Variants in FLI1 observed in about 807,000 individuals in gnomAD.
FLI1 encodes the protein Fli-1 proto-oncogene, ETS transcription factor.
A neutral mutation model predicts 53.1 loss-of-function variants in FLI1; 13 were observed. The ratio of observed to expected loss-of-function variants is 0.24; its 90% CI spans 0.16 to 0.39. The LOEUF (loss-of-function observed/expected upper bound fraction) is 0.39. Among genes scored for constraint, FLI1 ranks in the 10% least tolerant of loss-of-function variants. The pLI, the probability that FLI1 is intolerant of heterozygous loss-of-function variation, is 1.00. For synonymous variants in FLI1, 244 were observed against 236.7 expected, an observed-to-expected ratio of 1.03 and a Z score of -0.28; for missense variants, 424 against 600.5, an observed-to-expected ratio of 0.71 and a Z score of 3.07.
Position 128,811,092 on chromosome 11 carries a change from G to T in FLI1, c.*104G>T. 2 of 1,079,738 alleles carry T rather than the reference G, an allele frequency of 1.9e-6. No homozygotes were observed. Among genetic ancestry groups the T allele is most frequent in the South Asian group, 2.7e-5 (2 of 74,224 alleles). The allele number at this position is 1,079,738 out of a possible 1,614,324, so 66.9% of individuals were successfully genotyped here. A position where few individuals can be genotyped will look rare whatever the true frequency, so the allele number is the denominator to read the frequency against. On this transcript the variant is annotated 3_prime_UTR_variant, in exon 9 of 9. Transcript: ENST00000527786. ...GTGGCCTTGAAGGGAAGACAAAACT[G>T]GATGTTCTTTCTTGTTGGATAGAAC...
At chr11:128,766,216 A>G (rs917385379) in intron 2 of FLI1, among the ~76,000 whole-genome samples, 7 of 152,184 alleles carry the variant, frequency 4.6e-5, no homozygotes, top group Admixed American at 1.3e-4. Context: ...GGACTGCTTC[A>G]TCTCAGGCCA....
chr11:128,717,369 A>G (rs1007202139), intron 1 of FLI1, among the ~76,000 whole-genome samples: 2 of 152,206 alleles, frequency 1.3e-5, no homozygotes, highest in Non-Finnish European at 2.9e-5. Context: ...CATTTATTTC[A>G]TACTTGCTAC....
intron 1 of FLI1, among the ~76,000 whole-genome samples, chr11:128,709,699 A>C (rs1461554607): frequency 6.6e-6 from 1 of 152,220 alleles, no homozygotes. Context: ...TGTCCAACCT[A>C]TGCTACAGCA....
chr11:128,801,892 A>G (rs1224896536), intron 5 of FLI1, among the ~76,000 whole-genome samples: 2 of 152,224 alleles, frequency 1.3e-5, no homozygotes, highest in Non-Finnish European at 2.9e-5. Flanking sequence ...GGGGATATGA[A>G]CCATAAACGA....
intron 1 of FLI1, among the ~76,000 whole-genome samples, chr11:128,709,611 G>A (rs1334601908): frequency 6.6e-6 from 1 of 152,184 alleles, no homozygotes; most frequent in African/African-American, 2.4e-5. Flanking sequence ...ATATGAGTGT[G>A]GCTTCAGGAA....
At chr11:128,795,111 C>G (rs975121562) in intron 5 of FLI1, among the ~76,000 whole-genome samples, 1 of 152,128 alleles carries the variant, frequency 6.6e-6, no homozygotes, top group Non-Finnish European at 1.5e-5. Context: ...TAACATGCCT[C>G]TTTGATAAAG....
At chr11:128,790,027 G>A (rs901151516) in intron 5 of FLI1, among the ~76,000 whole-genome samples, 1 of 151,064 alleles carries the variant, frequency 6.6e-6, no homozygotes, top group African/African-American at 2.4e-5. Flanking sequence ...CTTAGCAAAA[G>A]CAGGGATGAT....
intron 4 of FLI1, among the ~76,000 whole-genome samples, chr11:128,781,110 A>C (rs1462257097): frequency 6.6e-6 from 1 of 152,232 alleles, no homozygotes; most frequent in Non-Finnish European, 1.5e-5. Context: ...TAATTTGAAA[A>C]GATTGGATAT....
intron 2 of FLI1, among the ~76,000 whole-genome samples, chr11:128,767,423 A>T (rs1941383738): frequency 6.6e-6 from 1 of 152,178 alleles, no homozygotes; most frequent in Admixed American, 6.5e-5. Flanking sequence ...TTCCACCTTG[A>T]CTAGCTGTGT....
chr11:128,780,558 G>A (rs1941883082), intron 4 of FLI1, among the ~76,000 whole-genome samples: 1 of 152,218 alleles, frequency 6.6e-6, no homozygotes, highest in Non-Finnish European at 1.5e-5. Flanking sequence ...TCGCGCCATT[G>A]CACTCCAGCC....
intron 5 of FLI1, among the ~76,000 whole-genome samples, chr11:128,785,239 AG>A (rs1281011530): frequency 6.6e-6 from 1 of 152,096 alleles, no homozygotes; most frequent in Non-Finnish European, 1.5e-5. Flanking sequence ...CTAGGATAAA[AG>A]CTATTGTTAT....
At chr11:128,788,983 G>A (rs981890373) in intron 5 of FLI1, among the ~76,000 whole-genome samples, 6 of 152,160 alleles carry the variant, frequency 3.9e-5, no homozygotes, top group African/African-American at 1.4e-4. Flanking sequence ...GGCAATGCAC[G>A]TATATTACCA....
intron 6 of FLI1, chr11:128,805,769 T>C (rs7113735): frequency 0.14 from 30,857 of 220,286 alleles, 2,581 homozygotes; most frequent in African/African-American, 0.26. Flanking sequence ...CTCTCTATAA[T>C]TTTGCTCCCG....
rs1448886438 is a variant in FLI1, at chr11:128,805,352, T to C, written c.656-14T>C. The stretch of plus-strand genomic sequence containing the variant: ...GGCGATGCTAATGTACCCCTATTTG[T>C]TATTGTTCATTAGACCCTTCTTATG... On this transcript the variant is annotated splice_polypyrimidine_tract_variant and intron_variant, in intron 5 of 8. Transcript: ENST00000527786. 6.5e-7 allele frequency: 1 copy of C among 1,548,946 alleles called. No individual in the cohort carries two copies. The highest frequency in any genetic ancestry group is 1.2e-5 in the South Asian group (1 of 85,436).
chr11:128,732,925 A>G (rs893880851), intron 1 of FLI1, among the ~76,000 whole-genome samples: 1 of 152,214 alleles, frequency 6.6e-6, no homozygotes, highest in Non-Finnish European at 1.5e-5. Flanking sequence ...TCCTTCAGCG[A>G]CTTGCAATAG....
At chr11:128,745,281 A>G (rs552088719) in intron 1 of FLI1, among the ~76,000 whole-genome samples, 2 of 152,266 alleles carry the variant, frequency 1.3e-5, no homozygotes, top group African/African-American at 2.4e-5. Flanking sequence ...AGAACACAAA[A>G]GGAAAGGAGG....
At chr11:128,695,080 C>T (rs1286245871) in intron 1 of FLI1, among the ~76,000 whole-genome samples, 1 of 152,076 alleles carries the variant, frequency 6.6e-6, no homozygotes, top group Non-Finnish European at 1.5e-5. Context: ...CCGAAAGGGT[C>T]CTGCGTCCTT....
rs553004325 is a variant in FLI1 at position 128,812,692 on chromosome 11, G to C, written c.*1704G>C. On this transcript the variant is annotated 3_prime_UTR_variant, in exon 9 of 9. Coordinates refer to ENST00000527786, the MANE Select transcript of FLI1 (RefSeq NM_002017.5). ...CTGTATGTAAGGACTGGAGCAAAGC[G>C]AGCTGGTCTATCCAGACTGGTCTGT... 9.0e-6 allele frequency: 2 copies of C among 221,172 alleles called. No individual in the cohort carries two copies. Among genetic ancestry groups the C allele is most frequent in the African/African-American group, 4.5e-5 (2 of 44,806 alleles). 13.7% of individuals were successfully genotyped at this position (221,172 alleles called of 1,614,324 possible). A position where few individuals can be genotyped will look rare whatever the true frequency, so the allele number is the denominator to read the frequency against.
intron 4 of FLI1, among the ~76,000 whole-genome samples, chr11:128,777,792 T>C (rs1342092154): frequency 1.3e-5 from 2 of 152,246 alleles, no homozygotes; most frequent in Non-Finnish European, 2.9e-5. Flanking sequence ...GTGAATTCTA[T>C]GGTCACAGCG....
Sources: gnomAD v4.1 joint callset for allele counts (sites outside exome capture counted in the v4.1 genomes callset) on GRCh38, gnomAD v4.1.1 for gene constraint, MANE v1.5 for transcripts, NCBI Gene and HGNC (gene_info 2026-07-23, HGNC 2026-07-21) for gene names.